The following PLPPR5 variants were observed in gnomAD, a reference collection of about 807,000 sequenced individuals.
PLPPR5 encodes phospholipid phosphatase related 5.
PLPPR5 carries 16 observed loss-of-function variants against 33.9 expected under a neutral mutation model. The ratio of observed to expected loss-of-function variants is 0.47; its 90% CI spans 0.32 to 0.72. The LOEUF (loss-of-function observed/expected upper bound fraction) is 0.72. Ranked by LOEUF, PLPPR5 falls within the 30% of genes least tolerant of loss-of-function variation. The pLI, the probability that PLPPR5 is intolerant of heterozygous loss-of-function variation, is 0.03. For missense variants in PLPPR5, 301 were observed against 406.7 expected (o/e 0.74, Z 2.23); for synonymous variants, 163 against 150.3 (o/e 1.08, Z -0.62).
chr1:98,914,413 T>C (rs898396776), intron 5 of PLPPR5, among the ~76,000 whole-genome samples: 2 of 152,140 alleles, frequency 1.3e-5, no homozygotes, highest in African/African-American at 4.8e-5. Context: ...GCCTCCCAAG[T>C]AGCTGGGACT....
intron 5 of PLPPR5, among the ~76,000 whole-genome samples, chr1:98,897,391 T>C (rs1648519735): frequency 6.6e-6 from 1 of 152,198 alleles, no homozygotes; most frequent in African/African-American, 2.4e-5. Context: ...TTGGCACACC[T>C]ACAAAATGTG....
At chr1:98,999,932 C>G (rs987313798) in intron 1 of PLPPR5, among the ~76,000 whole-genome samples, 2 of 152,124 alleles carry the variant, frequency 1.3e-5, no homozygotes, top group African/African-American at 4.8e-5. Context: ...TGCTGGTTTT[C>G]TTTATCTTTA....
chr1:98,948,843 G>T (rs1344290148), intron 3 of PLPPR5, among the ~76,000 whole-genome samples: 1 of 152,156 alleles, frequency 6.6e-6, no homozygotes, highest in Non-Finnish European at 1.5e-5. Context: ...TCAACCCTAC[G>T]TATCCTGACA....
chr1:98,914,943 C>T (rs765615809), intron 4 of PLPPR5, 23 bp from the exon 5 acceptor site: 3 of 1,601,092 alleles, frequency 1.9e-6, no homozygotes, highest in Admixed American at 1.7e-5. Context: ...AAGACAATTA[C>T]AGTTAAAGCA....
At chr1:98,922,723 C>T (rs150215173) in intron 3 of PLPPR5, among the ~76,000 whole-genome samples, 2 of 152,280 alleles carry the variant, frequency 1.3e-5, no homozygotes, top group Non-Finnish European at 2.9e-5. Context: ...CGGTGGCTCA[C>T]TCCTGTAATC....
intron 1 of PLPPR5, among the ~76,000 whole-genome samples, chr1:99,001,622 G>A (rs1015240397): frequency 3.5e-5 from 5 of 142,140 alleles, no homozygotes; most frequent in African/African-American, 1.0e-4. Flanking sequence ...TGAGGAGAAC[G>A]ACTTTTCAAA....
At chr1:98,922,702 T>C (rs1366584687) in intron 3 of PLPPR5, among the ~76,000 whole-genome samples, 2 of 152,136 alleles carry the variant, frequency 1.3e-5, no homozygotes, top group Non-Finnish European at 2.9e-5. Context: ...AACACTTAAG[T>C]AGGCCGGGCG....
At position 98,994,513 on chromosome 1, in the gene PLPPR5, T is replaced by C. The variant is rs141491358; in HGVS notation, c.237+9922A>G. On this transcript the variant is annotated intron_variant, in intron 1 of 5. Transcript: ENST00000263177. Reference sequence around the variant, plus strand: ...TACCCATTAGCTAACAAATTTTGTATGTCTATTCTAGAAATAATGAGGACA... The same window carrying C: ...TACCCATTAGCTAACAAATTTTGTACGTCTATTCTAGAAATAATGAGGACA... Among the ~76,000 whole-genome samples, 220 of 152,316 alleles carry C rather than the reference T, an allele frequency of 1.4e-3. 4 individuals are homozygous for C. Among genetic ancestry groups the C allele is most frequent in the African/African-American group, 4.9e-3 (205 of 41,598 alleles).
rs148151180 is a variant in PLPPR5, at chr1:98,936,147, C to G, written c.622-14089G>C. On this transcript the variant is annotated intron_variant, in intron 3 of 5. Coordinates refer to ENST00000263177, the MANE Select transcript of PLPPR5 (RefSeq NM_001037317.2). ...CTTTAATTTGAGAATTATAATAGTA[C>G]CTATGGAATTTGACTATAAGGATTA... Among the ~76,000 whole-genome samples, 12 of 152,116 alleles carry G rather than the reference C, an allele frequency of 7.9e-5. No individual in the cohort carries two copies. In the East Asian group the frequency reaches 2.3e-3, roughly 29 times the overall value.
rs200305057 is a variant in PLPPR5, at chr1:98,925,230, AG to A, written c.622-3173del. On this transcript the variant is annotated intron_variant, in intron 3 of 5. Coordinates refer to ENST00000263177, the MANE Select transcript of PLPPR5 (RefSeq NM_001037317.2). ...TTTTAATTCACTTATGAAACCATCT[AG>A]GTTAACCAGATGTCAAAATGTAGCT... Among the ~76,000 whole-genome samples, 540 of 152,328 alleles carry A rather than the reference AG, an allele frequency of 3.5e-3. 1 individual carries two copies. Among genetic ancestry groups the A allele is most frequent in the African/African-American group, 0.012 (517 of 41,584 alleles).
At chr1:98,994,201 A>C (rs1267705509) in intron 1 of PLPPR5, among the ~76,000 whole-genome samples, 1 of 151,798 alleles carries the variant, frequency 6.6e-6, no homozygotes, top group East Asian at 1.9e-4. Context: ...GGAGGGAGAA[A>C]GGAAAGAAGG....
intron 3 of PLPPR5, among the ~76,000 whole-genome samples, chr1:98,946,803 C>T (rs1040449078): frequency 6.6e-6 from 1 of 152,110 alleles, no homozygotes; most frequent in African/African-American, 2.4e-5. Context: ...GCCCATGACA[C>T]TTTGAAGGAC....
At chr1:98,907,685 G>T (rs2101143299) in intron 5 of PLPPR5, among the ~76,000 whole-genome samples, 1 of 152,244 alleles carries the variant, frequency 6.6e-6, no homozygotes, top group African/African-American at 2.4e-5. Flanking sequence ...TGATAACCAT[G>T]AATTGCTAGG....
chr1:98,921,693 C>G (rs1420640287), intron 4 of PLPPR5, among the ~76,000 whole-genome samples, 189 bp downstream of exon 4: 1 of 152,002 alleles, frequency 6.6e-6, no homozygotes, highest in African/African-American at 2.4e-5. Context: ...CCAAACCTGA[C>G]TTGTGGCAGA....
At chr1:98,984,669 C>CT (rs966951020) in intron 1 of PLPPR5, among the ~76,000 whole-genome samples, 1 of 151,986 alleles carries the variant, frequency 6.6e-6, no homozygotes, top group Admixed American at 6.6e-5. Context: ...TCTTAAGTGA[C>CT]TAATTGATAA....
chr1:98,940,263 T>G (rs769171921), intron 3 of PLPPR5, among the ~76,000 whole-genome samples: 26 of 151,862 alleles, frequency 1.7e-4, no homozygotes, highest in Non-Finnish European at 2.8e-4. Flanking sequence ...TTGCAGATGC[T>G]GCCCTCTTGC....
chr1:98,994,104 T>C (rs1039913758), intron 1 of PLPPR5, among the ~76,000 whole-genome samples: 29 of 152,160 alleles, frequency 1.9e-4, no homozygotes, highest in African/African-American at 6.5e-4. Flanking sequence ...ACAAGTCACT[T>C]AACCTCTTTA....
chr1:98,990,099 C>G (rs924940497), intron 1 of PLPPR5, among the ~76,000 whole-genome samples: 1 of 152,018 alleles, frequency 6.6e-6, no homozygotes, highest in Admixed American at 6.6e-5. Context: ...AAGAGCAGGC[C>G]AGGCATGGTA....
rs372555407 is a variant in PLPPR5 at position 98,919,827 on chromosome 1, T to C, written c.798+2055A>G. ...AGCAAACTATAGTTTATGGAACTTT[T>C]TCCAGTCATTCATGTCACAAATTCG... On this transcript the variant is annotated intron_variant, in intron 4 of 5. Coordinates refer to ENST00000263177, the MANE Select transcript of PLPPR5 (RefSeq NM_001037317.2). Among the ~76,000 whole-genome samples the C allele has an allele frequency of 2.4e-4, 37 of 152,330 alleles. 1 individual carries two copies. The South Asian group carries it at 7.5e-3, about 31-fold the overall frequency.
Sources: gnomAD v4.1 joint callset for allele counts (sites outside exome capture counted in the v4.1 genomes callset) on GRCh38, gnomAD v4.1.1 for gene constraint, MANE v1.5 for transcripts, NCBI Gene and HGNC (gene_info 2026-07-23, HGNC 2026-07-21) for gene names.